SUPT16H: variants seen among roughly 807,000 people sequenced by gnomAD.
The protein encoded by SUPT16H is FACT complex subunit SPT16.
A neutral mutation model predicts 136.2 loss-of-function variants in SUPT16H; 24 were observed. That is an observed-to-expected ratio of 0.18 (90% CI 0.13 to 0.25). SUPT16H has a LOEUF of 0.25. Among genes scored for constraint, SUPT16H ranks in the 10% least tolerant of loss-of-function variants. SUPT16H has a pLI of 1.00. For synonymous variants in SUPT16H, 415 were observed against 428.2 expected, an observed-to-expected ratio of 0.97 and a Z score of 0.38; for missense variants, 623 against 1,270.2, an observed-to-expected ratio of 0.49 and a Z score of 7.74.
At chr14:21,365,181 G>C in intron 8 of SUPT16H, 38 bp from the exon 9 acceptor site, 1 of 1,560,896 alleles carries the variant, frequency 6.4e-7, no homozygotes, top group Non-Finnish European at 8.8e-7. Flanking sequence ...AAAGGCTAAA[G>C]ATCTCTAACA....
At chr14:21,358,267 C>T (rs377704106) in intron 20 of SUPT16H, 48 bp downstream of exon 20, 4 of 1,168,908 alleles carry the variant, frequency 3.4e-6, no homozygotes, top group Non-Finnish European at 5.0e-6. Flanking sequence ...ATTTATTGTA[C>T]CAAAAGACAG....
intron 21 of SUPT16H, among the ~76,000 whole-genome samples, chr14:21,357,692 T>G (rs867246458): frequency 2.6e-5 from 4 of 152,252 alleles, no homozygotes; most frequent in South Asian, 2.1e-4. Flanking sequence ...CCCAGACTGG[T>G]CTTGAGTTCC....
chr14:21,383,465 C>T (rs1594315007), intron 1 of SUPT16H: 2 of 563,258 alleles, frequency 3.6e-6, no homozygotes, highest in East Asian at 6.1e-5. Flanking sequence ...GGTTATAATC[C>T]TGGCGGGACC....
At chr14:21,360,146 G>T (rs546137655) in intron 18 of SUPT16H, among the ~76,000 whole-genome samples, 1 of 152,214 alleles carries the variant, frequency 6.6e-6, no homozygotes, top group East Asian at 1.9e-4. Flanking sequence ...TCCTGCCTCG[G>T]CCTCTCAAGT....
chr14:21,377,821 G>A (rs1401039783), intron 1 of SUPT16H, among the ~76,000 whole-genome samples: 1 of 152,204 alleles, frequency 6.6e-6, no homozygotes, highest in Admixed American at 6.5e-5. Flanking sequence ...ATGGGGTTTC[G>A]CCATGTCGGC....
At chr14:21,361,311 CTTTTTTT>C (rs35486887) in intron 15 of SUPT16H, 98 bp from the exon 16 acceptor site, 1,037 of 461,820 alleles carry the variant, frequency 2.2e-3, no homozygotes, top group African/African-American at 3.3e-3. Flanking sequence ...CTCTACTTTG[CTTTTTTT>C]TTTTTTTTTT....
chr14:21,352,742 G>C lies in SUPT16H; in HGVS notation c.3075C>G (p.His1025Gln), dbSNP rs1401488251. ...CACGGTTAGAGCCACGGCCCGAACT[G>C]TGCACAGATGCCTTCCTCTTCCGGC... ...SMSRKRKASV[H>Q]SSGRGSNRGS... The change falls in exon 26 of 26, where the codon CAC becomes CAG. Residue 1025 changes from histidine to glutamine, a missense_variant. Physicochemically the swap from His to Gln is conservative, Grantham distance 24 (BLOSUM62 0). Transcript: ENST00000216297. 1 of 1,614,058 alleles carries C rather than the reference G, an allele frequency of 6.2e-7. No homozygotes were observed.
rs8009572 is a variant in SUPT16H at position 21,377,212 on chromosome 14, T to C, written c.67-3782A>G. On this transcript the variant is annotated intron_variant, in intron 1 of 25. Transcript: ENST00000216297. ...ACCAAAATGATCAAATAATGCACCA[T>C]CCTAGGACTGAAGAATATGAGCTTG... Among the ~76,000 whole-genome samples, 1,462 of 151,242 alleles carry C rather than the reference T, an allele frequency of 9.7e-3. 26 individuals are homozygous for C. Among genetic ancestry groups the C allele is most frequent in the African/African-American group, 0.033 (1,368 of 41,164 alleles).
intron 19 of SUPT16H, among the ~76,000 whole-genome samples, chr14:21,359,180 C>T (rs1886498143): frequency 6.6e-6 from 1 of 152,110 alleles, no homozygotes; most frequent in African/African-American, 2.4e-5. Flanking sequence ...TCACTGCAAC[C>T]TCTGCCTCTT....
intron 5 of SUPT16H, 118 bp from the exon 6 acceptor site, chr14:21,369,473 G>A: frequency 1.5e-6 from 2 of 1,364,576 alleles, no homozygotes; most frequent in African/African-American, 1.4e-5. Context: ...AATGATTTAT[G>A]CGCCAGGTAA....
At position 21,371,885 on chromosome 14, in the gene SUPT16H, T is replaced by C. The variant is rs749596910; in HGVS notation, c.319A>G (p.Ile107Val). Residue 107 changes from isoleucine (I) to valine (V), a missense_variant, in exon 3 of 26, where the codon ATA becomes GTA. Physicochemically the swap from Ile to Val is conservative, Grantham distance 29 (BLOSUM62 3). Coordinates refer to ENST00000216297, the MANE Select transcript of SUPT16H (RefSeq NM_007192.4). Reference sequence around the variant, plus strand: ...TTATTAATCCTGACCTTTTCTCGTATTAGCAGTGTGATGGCAGGGGCTCCA... The same window carrying C: ...TTATTAATCCTGACCTTTTCTCGTACTAGCAGTGTGATGGCAGGGGCTCCA... ...ANGAPAITLL[I>V]REKNESNKSS... 13 of 1,613,900 alleles carry C rather than the reference T, an allele frequency of 8.1e-6. No homozygotes were observed. Among genetic ancestry groups the C allele is most frequent in the African/African-American group, 1.3e-5 (1 of 74,930 alleles).
rs566742315 is a variant in SUPT16H, at chr14:21,359,305, G to A, written c.2301+179C>T. Among the ~76,000 whole-genome samples, 11 of 151,666 alleles carry A rather than the reference G, an allele frequency of 7.3e-5. No homozygotes were observed. The East Asian group carries it at 1.2e-3, about 16-fold the overall frequency. The stretch of plus-strand genomic sequence containing the variant: ...AGACAGGGTTTCACCACATTGGCCA[G>A]GCTGGTCTCGAACTCCTGACCCTCA... On this transcript the variant is annotated intron_variant, in intron 19 of 25. Transcript: ENST00000216297.
chr14:21,360,678 G>A (rs746865811), intron 17 of SUPT16H, 145 bp from the exon 18 acceptor site: 151 of 1,230,690 alleles, frequency 1.2e-4, no homozygotes, highest in Admixed American at 1.8e-4. Context: ...ACACAGCAGT[G>A]TAAGTAGATT....
At position 21,360,406 on chromosome 14, in the gene SUPT16H, A is replaced by G. The variant is rs1886527265; in HGVS notation, c.2175+9T>C. The G allele has an allele frequency of 2.5e-6, 4 of 1,588,618 alleles. No individual in the cohort carries two copies. The highest frequency in any genetic ancestry group is 3.4e-6 in the Non-Finnish European group (4 of 1,159,582). Reference sequence around the variant, plus strand: ...AAGAGCTGACAGCTAGTTAAGTAGAAAGGTATACCTTGAGGTGAAAGTGCA... The same window carrying G: ...AAGAGCTGACAGCTAGTTAAGTAGAGAGGTATACCTTGAGGTGAAAGTGCA... On this transcript the variant is annotated intron_variant, in intron 18 of 25. Coordinates refer to ENST00000216297, the MANE Select transcript of SUPT16H (RefSeq NM_007192.4).
At chr14:21,353,365 G>T in intron 25 of SUPT16H, 123 bp downstream of exon 25, 1 of 928,674 alleles carries the variant, frequency 1.1e-6, no homozygotes, top group Non-Finnish European at 1.6e-6. Flanking sequence ...TGGCTCCAAA[G>T]CACTTTTATA....
intron 1 of SUPT16H, chr14:21,383,639 CG>C: frequency 2.8e-6 from 2 of 709,404 alleles, no homozygotes; most frequent in Non-Finnish European, 2.6e-6. Context: ...GGCTGGCACG[CG>C]GGGAAGATGG....
Position 21,360,978 on chromosome 14 carries a change from CAAG to C in SUPT16H, c.1930-9_1930-7del, listed in dbSNP as rs777194495. 3.3e-5 allele frequency: 53 copies of C among 1,612,208 alleles called. No individual in the cohort carries two copies. The highest frequency in any genetic ancestry group is 1.6e-4 in the Middle Eastern group (1 of 6,068). On this transcript the variant is annotated splice_polypyrimidine_tract_variant and splice_region_variant and intron_variant, in intron 16 of 25. Coordinates refer to ENST00000216297, the MANE Select transcript of SUPT16H (RefSeq NM_007192.4). ...GAGTCTTGTTTTACAATCCCCTAAG[CAAG>C]AAGAAAATTAATGTGAATTGTCACA... is the stretch of plus-strand genomic sequence containing the variant.
At chr14:21,375,265 T>C (rs939027145) in intron 1 of SUPT16H, among the ~76,000 whole-genome samples, 3 of 150,958 alleles carry the variant, frequency 2.0e-5, no homozygotes, top group Admixed American at 6.6e-5. Context: ...CCGCCCCCAC[T>C]TGGCCTCCTG....
chr14:21,369,150 A>G (rs938529017), intron 6 of SUPT16H, 54 bp downstream of exon 6: 23 of 1,570,882 alleles, frequency 1.5e-5, no homozygotes, highest in Non-Finnish European at 1.9e-5. Context: ...TTTAACAAAA[A>G]GAAAAAATAG....
Sources: allele counts gnomAD v4.1 joint callset (sites outside exome capture counted in the v4.1 genomes callset), GRCh38; gene constraint gnomAD v4.1.1; transcripts MANE v1.5; gene names NCBI Gene and HGNC (gene_info 2026-07-23, HGNC 2026-07-21).